The following SHISA9 variants were observed in gnomAD, a reference collection of about 807,000 sequenced individuals.
The protein encoded by SHISA9 is shisa family member 9.
Under a neutral mutation model 38.0 loss-of-function variants are expected in SHISA9, and 13 were observed. The observed-to-expected ratio is 0.34, with a 90% CI of 0.22 to 0.54. The LOEUF (loss-of-function observed/expected upper bound fraction) is 0.54. SHISA9 is among the 20% of genes least tolerant of loss of function. SHISA9 has a pLI of 0.91. For missense variants in SHISA9, 538 were observed against 575.8 expected, an observed-to-expected ratio of 0.93 and a Z score of 0.67; for synonymous variants, 275 against 242.0, an observed-to-expected ratio of 1.14 and a Z score of -1.27.
chr16:13,533,858 A>G, the SHISA9 span, among the ~76,000 whole-genome samples: 1 of 144,806 alleles, frequency 6.9e-6, no homozygotes. Context: ...ATCTCGGCTC[A>G]CTGCAAACTC....
At chr16:13,365,698 A>T in the SHISA9 span, among the ~76,000 whole-genome samples, 1 of 152,020 alleles carries the variant, frequency 6.6e-6, no homozygotes, top group Non-Finnish European at 1.5e-5. Flanking sequence ...ACCTCAAGTG[A>T]TCCGCCTGCC....
the SHISA9 span, among the ~76,000 whole-genome samples, chr16:13,342,350 C>T: frequency 9.9e-5 from 15 of 152,136 alleles, no homozygotes; most frequent in Admixed American, 2.6e-4. Flanking sequence ...TGCAGTGGTG[C>T]GATCTTGGTT....
At chr16:12,965,030 T>C (rs1177012733) in intron 2 of SHISA9, among the ~76,000 whole-genome samples, 1 of 152,140 alleles carries the variant, frequency 6.6e-6, no homozygotes, top group Non-Finnish European at 1.5e-5. Context: ...TAAATGAATA[T>C]CTATCTATAT....
chr16:12,974,290 A>G (rs557256318), intron 2 of SHISA9, among the ~76,000 whole-genome samples: 50 of 152,170 alleles, frequency 3.3e-4, no homozygotes, highest in African/African-American at 1.1e-3. Flanking sequence ...TTTCTCTAAA[A>G]TTTTATCCAA....
the SHISA9 span, among the ~76,000 whole-genome samples, chr16:13,472,377 A>AGTTTTTTTTTT: frequency 1.8e-5 from 1 of 55,416 alleles, no homozygotes; most frequent in Non-Finnish European, 3.2e-5. Context: ...GCTCTGCTAA[A>AGTTTTTTTTTT]TTTTTTTTTT....
At position 13,031,205 on chromosome 16, in the gene SHISA9, G is replaced by C. The variant is rs759141387; in HGVS notation, c.691+114390G>C. Among the ~76,000 whole-genome samples, 8 of 152,156 alleles carry C rather than the reference G, an allele frequency of 5.3e-5. 1 individual carries two copies. Among genetic ancestry groups the C allele is most frequent in the Admixed American group, 5.2e-4 (8 of 15,280 alleles). On this transcript the variant is annotated intron_variant, in intron 2 of 4. Transcript: ENST00000558583. ...AGATTTTAACCCCTCTTCTGCCTCTGCCTTCCTGTGTGACCTTGATGAATC... is the reference window on the plus strand; with the variant it reads ...AGATTTTAACCCCTCTTCTGCCTCTCCCTTCCTGTGTGACCTTGATGAATC...
intron 2 of SHISA9, among the ~76,000 whole-genome samples, chr16:13,029,579 G>C (rs951861076): frequency 6.6e-6 from 1 of 152,236 alleles, no homozygotes; most frequent in Non-Finnish European, 1.5e-5. Flanking sequence ...CTGCACTCCA[G>C]CCTGGGCGAC....
At chr16:12,958,440 C>T (rs2071865038) in intron 2 of SHISA9, among the ~76,000 whole-genome samples, 1 of 152,136 alleles carries the variant, frequency 6.6e-6, no homozygotes, top group Non-Finnish European at 1.5e-5. Context: ...CCCTGAAGCC[C>T]AAATCTCTGC....
the SHISA9 span, among the ~76,000 whole-genome samples, chr16:13,347,847 A>G: frequency 1.1e-4 from 3 of 27,014 alleles, no homozygotes; most frequent in African/African-American, 5.6e-5. Context: ...GTACCCCCCC[A>G]CAAAGATGTC....
At chr16:13,438,412 T>C in the SHISA9 span, among the ~76,000 whole-genome samples, 1 of 152,158 alleles carries the variant, frequency 6.6e-6, no homozygotes, top group South Asian at 2.1e-4. Flanking sequence ...TTTCTATCTC[T>C]AACAGTAGCT....
chr16:13,017,597 C>T (rs1026109605), intron 2 of SHISA9, among the ~76,000 whole-genome samples: 6 of 121,512 alleles, frequency 4.9e-5, no homozygotes, highest in Non-Finnish European at 9.7e-5. Context: ...TATTGAGTGT[C>T]AATCATATGC....
the SHISA9 span, among the ~76,000 whole-genome samples, chr16:13,464,536 A>G: frequency 6.6e-6 from 1 of 152,160 alleles, no homozygotes; most frequent in Admixed American, 6.5e-5. Flanking sequence ...TTCTTGTCTA[A>G]AGCTAAAGCC....
the SHISA9 span, among the ~76,000 whole-genome samples, chr16:13,477,458 A>G: frequency 2.3e-3 from 343 of 152,338 alleles, 2 homozygotes; most frequent in Non-Finnish European, 2.0e-3. Flanking sequence ...TTGAAACAAC[A>G]TGGCAAGTGC....
chr16:12,951,773 T>C (rs1018826828), intron 2 of SHISA9, among the ~76,000 whole-genome samples: 2 of 152,174 alleles, frequency 1.3e-5, no homozygotes, highest in Admixed American at 6.5e-5. Flanking sequence ...GACCTCTAGA[T>C]ACTTTGTCTT....
chr16:13,387,943 C>G, the SHISA9 span, among the ~76,000 whole-genome samples: 1 of 151,936 alleles, frequency 6.6e-6, no homozygotes, highest in East Asian at 1.9e-4. Flanking sequence ...AAAAAAAAGA[C>G]ATGTATCTCC....
At chr16:13,422,318 C>T in the SHISA9 span, among the ~76,000 whole-genome samples, 1 of 152,014 alleles carries the variant, frequency 6.6e-6, no homozygotes, top group Non-Finnish European at 1.5e-5. Context: ...TTTTTGAATA[C>T]CTTCAACATT....
At chr16:13,363,149 G>A in the SHISA9 span, among the ~76,000 whole-genome samples, 1 of 152,174 alleles carries the variant, frequency 6.6e-6, no homozygotes, top group Non-Finnish European at 1.5e-5. Context: ...GAGTCTATAT[G>A]GGTAAACAAG....
At chr16:13,302,973 C>T in the SHISA9 span, among the ~76,000 whole-genome samples, 1 of 152,160 alleles carries the variant, frequency 6.6e-6, no homozygotes, top group East Asian at 1.9e-4. Context: ...TTCCTGAGGC[C>T]TCCCCAGCCA....
At chr16:13,373,136 TG>T in the SHISA9 span, among the ~76,000 whole-genome samples, 2 of 152,142 alleles carry the variant, frequency 1.3e-5, no homozygotes, top group Non-Finnish European at 2.9e-5. Context: ...TGCAAAATAC[TG>T]GTTTATTAGT....
Sources: gnomAD v4.1 joint callset for allele counts (sites outside exome capture counted in the v4.1 genomes callset) on GRCh38, gnomAD v4.1.1 for gene constraint, MANE v1.5 for transcripts, NCBI Gene and HGNC (gene_info 2026-07-23, HGNC 2026-07-21) for gene names.